The following CDKAL1 variants were observed in gnomAD, a reference collection of about 807,000 sequenced individuals.
CDKAL1 encodes CDKAL1 threonylcarbamoyladenosine tRNA methylthiotransferase.
In CDKAL1, 32 loss-of-function variants were observed where a neutral mutation model predicts 68.2. That is an observed-to-expected ratio of 0.47 (90% CI 0.35 to 0.63). The LOEUF (loss-of-function observed/expected upper bound fraction) is 0.63, where lower values mean the gene tolerates loss of function less well. Among genes scored for constraint, CDKAL1 ranks in the 30% least tolerant of loss-of-function variants. The probability of loss-of-function intolerance (pLI) is 0.00; values close to 1 mark genes in which losing one functional copy is unlikely to be tolerated. For missense variants in CDKAL1, 606 were observed against 696.7 expected (o/e 0.87, Z 1.47); for synonymous variants, 234 against 244.3 (o/e 0.96, Z 0.39).
At chr6:21,184,244 G>A (rs1003714706) in intron 13 of CDKAL1, among the ~76,000 whole-genome samples, 41 of 150,032 alleles carry the variant, frequency 2.7e-4, no homozygotes, top group Admixed American at 1.3e-3. Flanking sequence ...TCCCAGGCTG[G>A]AGTGCAATGG....
At chr6:20,954,072 AAGAT>A (rs1445777958) in intron 9 of CDKAL1, among the ~76,000 whole-genome samples, 2 of 152,152 alleles carry the variant, frequency 1.3e-5, no homozygotes, top group East Asian at 1.9e-4. Context: ...ATGTCTCAGA[AAGAT>A]AGACAGGCAG....
At chr6:20,663,803 A>G (rs1769400557) in intron 5 of CDKAL1, among the ~76,000 whole-genome samples, 1 of 152,166 alleles carries the variant, frequency 6.6e-6, no homozygotes, top group Admixed American at 6.6e-5. Flanking sequence ...TATGATGATT[A>G]TCATGGAGGG....
intron 10 of CDKAL1, among the ~76,000 whole-genome samples, chr6:20,973,501 C>T (rs938561223): frequency 6.6e-6 from 1 of 152,090 alleles, no homozygotes; most frequent in African/African-American, 2.4e-5. Context: ...GTGCCAGTCA[C>T]TGTGAACAGC....
chr6:21,079,031 G>T (rs1434557996), intron 12 of CDKAL1, among the ~76,000 whole-genome samples: 1 of 152,134 alleles, frequency 6.6e-6, no homozygotes, highest in African/African-American at 2.4e-5. Flanking sequence ...GTGAGAAGTG[G>T]GGGGTGCCTG....
intron 11 of CDKAL1, among the ~76,000 whole-genome samples, chr6:21,048,344 A>G (rs1046802516): frequency 2.0e-5 from 3 of 152,192 alleles, no homozygotes; most frequent in African/African-American, 7.2e-5. Context: ...TGCAGGGAAA[A>G]CTGAATTTAA....
chr6:20,827,824 C>G (rs1455613630), intron 8 of CDKAL1, among the ~76,000 whole-genome samples: 1 of 151,798 alleles, frequency 6.6e-6, no homozygotes, highest in Non-Finnish European at 1.5e-5. Flanking sequence ...TTAAGACTGT[C>G]GATATACTTC....
intron 11 of CDKAL1, among the ~76,000 whole-genome samples, chr6:21,017,577 A>T (rs1768414356): frequency 6.6e-6 from 1 of 152,172 alleles, no homozygotes. Context: ...TTTCACACCT[A>T]TGTGCACCAT....
chr6:21,162,323 C>G (rs1320506449), intron 13 of CDKAL1, among the ~76,000 whole-genome samples: 1 of 152,100 alleles, frequency 6.6e-6, no homozygotes, highest in Non-Finnish European at 1.5e-5. Flanking sequence ...CTCCTAATTC[C>G]CCATAAAATA....
intron 8 of CDKAL1, among the ~76,000 whole-genome samples, chr6:20,838,890 G>C (rs1268971375): frequency 1.3e-5 from 2 of 151,746 alleles, no homozygotes; most frequent in Non-Finnish European, 2.9e-5. Context: ...CAGGAGAATG[G>C]TGTGAACCTG....
Position 20,662,721 on chromosome 6 carries a change from G to T in CDKAL1, c.371+13344G>T, listed in dbSNP as rs143849826. 6.1e-3 allele frequency among the ~76,000 whole-genome samples: 934 copies of T among 152,256 alleles called. 7 individuals carry two copies. The highest frequency in any genetic ancestry group is 0.011 in the Non-Finnish European group (758 of 68,012). On this transcript the variant is annotated intron_variant, in intron 5 of 15. Coordinates refer to ENST00000274695, the MANE Select transcript of CDKAL1 (RefSeq NM_017774.3). ...AACAAATGAATGAACCAACTCATAT[G>T]TATGTTTCCTTTGCATGTTTATCTT...
chr6:20,933,146 G>A (rs191090725), intron 9 of CDKAL1, among the ~76,000 whole-genome samples: 2 of 152,296 alleles, frequency 1.3e-5, no homozygotes, highest in Non-Finnish European at 2.9e-5. Flanking sequence ...ACCATTAGCA[G>A]TGTAGCATGA....
chr6:21,180,486 A>G (rs979493836), intron 13 of CDKAL1, among the ~76,000 whole-genome samples: 5 of 152,110 alleles, frequency 3.3e-5, no homozygotes, highest in Non-Finnish European at 7.4e-5. Flanking sequence ...AAGCAAGCAG[A>G]AGTTAGCTGT....
chr6:21,093,356 A>G (rs1193087494), intron 12 of CDKAL1, among the ~76,000 whole-genome samples: 1 of 152,216 alleles, frequency 6.6e-6, no homozygotes, highest in Non-Finnish European at 1.5e-5. Context: ...TTTCTCAGGA[A>G]GCCTTTCCAG....
chr6:21,083,066 A>C (rs1480872104), intron 12 of CDKAL1, among the ~76,000 whole-genome samples: 1 of 151,814 alleles, frequency 6.6e-6, no homozygotes, highest in African/African-American at 2.4e-5. Flanking sequence ...GGATCTTGTC[A>C]TGTTGCCCGG....
In CDKAL1 at chr6:20,563,961, A is replaced by G. The variant is rs536480747; in HGVS notation, c.286+15256A>G. 2.8e-4 allele frequency among the ~76,000 whole-genome samples: 42 copies of G among 152,342 alleles called. No homozygotes were observed. In the South Asian group the frequency reaches 8.1e-3, roughly 29 times the overall value. Reference sequence around the variant, plus strand: ...ATGTAAAAACGAGCAATTTTAAGCCAGCGATGGCTCAATCATTTTTAACTG... The same window carrying G: ...ATGTAAAAACGAGCAATTTTAAGCCGGCGATGGCTCAATCATTTTTAACTG... On this transcript the variant is annotated intron_variant, in intron 4 of 15. Transcript: ENST00000274695.
rs558615481 is a variant in CDKAL1 at position 20,574,323 on chromosome 6, A to G, written c.286+25618A>G. On this transcript the variant is annotated intron_variant, in intron 4 of 15. Transcript: ENST00000274695. ...TTTCCACAATAAAACAGAGCCTCTC[A>G]GAAAGTAAAAGGATGTAATCCTAGC... Among the ~76,000 whole-genome samples, 44 of 152,266 alleles carry G rather than the reference A, an allele frequency of 2.9e-4. No individual in the cohort carries two copies. In the South Asian group the frequency reaches 6.8e-3, roughly 24 times the overall value.
At chr6:20,818,632 A>T (rs927060970) in intron 8 of CDKAL1, among the ~76,000 whole-genome samples, 1 of 151,832 alleles carries the variant, frequency 6.6e-6, no homozygotes, top group Non-Finnish European at 1.5e-5. Flanking sequence ...CATCATTCAT[A>T]ATGAAAGAGT....
At chr6:20,794,408 C>T (rs1776026881) in intron 8 of CDKAL1, among the ~76,000 whole-genome samples, 1 of 152,068 alleles carries the variant, frequency 6.6e-6, no homozygotes, top group African/African-American at 2.4e-5. Context: ...TTATGTGCTA[C>T]ACTGCTTAAA....
At chr6:20,627,968 C>T (rs1767506082) in intron 4 of CDKAL1, among the ~76,000 whole-genome samples, 1 of 152,010 alleles carries the variant, frequency 6.6e-6, no homozygotes, top group African/African-American at 2.4e-5. Flanking sequence ...TCACTTTATT[C>T]TAGGAGTTTT....
Sources: gnomAD v4.1 joint callset for allele counts (sites outside exome capture counted in the v4.1 genomes callset) on GRCh38, gnomAD v4.1.1 for gene constraint, MANE v1.5 for transcripts, NCBI Gene and HGNC (gene_info 2026-07-23, HGNC 2026-07-21) for gene names.